Variants in CNBD1 observed in about 807,000 individuals in gnomAD.
CNBD1 encodes the protein cyclic nucleotide binding domain containing 1.
Under a neutral mutation model 54.4 loss-of-function variants are expected in CNBD1, and 71 were observed. That is an observed-to-expected ratio of 1.30 (90% confidence interval 1.08 to 1.59). The LOEUF (loss-of-function observed/expected upper bound fraction) is 1.59, where lower values mean the gene tolerates loss of function less well. Ranked by LOEUF, CNBD1 falls within the 40% of genes most tolerant of loss-of-function variation. The pLI is 0.00. For synonymous variants in CNBD1, 182 were observed against 170.7 expected, an observed-to-expected ratio of 1.07 and a Z score of -0.51; for missense variants, 659 against 518.0, an observed-to-expected ratio of 1.27 and a Z score of -2.64.
At chr8:87,422,817 A>C (rs536534221) in intron 2 of CNBD1, among the ~76,000 whole-genome samples, 66 of 152,258 alleles carry the variant, frequency 4.3e-4, no homozygotes, top group African/African-American at 1.6e-3. Context: ...GAAGAAAGGC[A>C]TTGGTAGCTT....
chr8:87,397,916 C>T (rs769079521), intron 2 of CNBD1, among the ~76,000 whole-genome samples: 1 of 151,974 alleles, frequency 6.6e-6, no homozygotes, highest in Non-Finnish European at 1.5e-5. Context: ...CAAGCTCTCT[C>T]TTTGCCTGCT....
At chr8:86,867,682 G>A (rs1419452374) in intron 1 of CNBD1, among the ~76,000 whole-genome samples, 1 of 152,026 alleles carries the variant, frequency 6.6e-6, no homozygotes, top group East Asian at 1.9e-4. Flanking sequence ...TTTTGCTGAA[G>A]AAACACAGCT....
intron 6 of CNBD1, among the ~76,000 whole-genome samples, chr8:87,281,032 T>C (rs1038691487): frequency 6.6e-6 from 1 of 151,628 alleles, no homozygotes; most frequent in Non-Finnish European, 1.5e-5. Flanking sequence ...TTGTCTCATT[T>C]AAGAACTGCT....
chr8:86,991,091 G>A (rs894082284), intron 4 of CNBD1, among the ~76,000 whole-genome samples: 28 of 152,024 alleles, frequency 1.8e-4, no homozygotes, highest in African/African-American at 6.8e-4. Flanking sequence ...TAGTCTTTAG[G>A]TGTTTCCAAA....
intron 5 of CNBD1, among the ~76,000 whole-genome samples, chr8:87,215,343 G>T (rs1814186386): frequency 6.6e-6 from 1 of 152,078 alleles, no homozygotes; most frequent in South Asian, 2.1e-4. Context: ...GGACATTATT[G>T]CTGATGCATA....
intron 4 of CNBD1, among the ~76,000 whole-genome samples, chr8:87,157,157 G>A (rs1483309573): frequency 1.3e-5 from 2 of 152,122 alleles, no homozygotes; most frequent in African/African-American, 4.8e-5. Flanking sequence ...AGATAATATT[G>A]TAGTTTTATC....
intron 4 of CNBD1, among the ~76,000 whole-genome samples, chr8:87,180,286 T>C (rs921797081): frequency 6.6e-6 from 1 of 152,062 alleles, no homozygotes; most frequent in Non-Finnish European, 1.5e-5. Context: ...TGAATAAATA[T>C]ATTCTATAAA....
At chr8:86,955,680 G>T (rs1807747979) in intron 4 of CNBD1, among the ~76,000 whole-genome samples, 2 of 152,160 alleles carry the variant, frequency 1.3e-5, no homozygotes, top group African/African-American at 2.4e-5. Flanking sequence ...TGATGGGGTT[G>T]TTTGATTTTT....
At chr8:86,873,019 AGTAAGCTAC>A (rs1586102092) in intron 1 of CNBD1, among the ~76,000 whole-genome samples, 1 of 152,062 alleles carries the variant, frequency 6.6e-6, no homozygotes, top group East Asian at 1.9e-4. Context: ...GGTGAATTTC[AGTAAGCTAC>A]GATCATGCTA....
intron 4 of CNBD1, among the ~76,000 whole-genome samples, chr8:86,979,294 G>A (rs1808413772): frequency 6.6e-6 from 1 of 150,886 alleles, no homozygotes; most frequent in Non-Finnish European, 1.5e-5. Context: ...GGCTGGATGT[G>A]GTGGCTCATG....
intron 4 of CNBD1, among the ~76,000 whole-genome samples, chr8:87,198,491 A>G (rs1354904662): frequency 6.6e-6 from 1 of 152,250 alleles, no homozygotes; most frequent in African/African-American, 2.4e-5. Flanking sequence ...AAACAAAAAA[A>G]AGCAGTTAAC....
At chr8:87,125,174 G>T (rs1422806239) in intron 4 of CNBD1, among the ~76,000 whole-genome samples, 1 of 151,642 alleles carries the variant, frequency 6.6e-6, no homozygotes, top group Non-Finnish European at 1.5e-5. Context: ...CTGTGTTCAT[G>T]ATATATAAAA....
At chr8:86,979,232 A>T (rs1240551610) in intron 4 of CNBD1, among the ~76,000 whole-genome samples, 1 of 151,744 alleles carries the variant, frequency 6.6e-6, no homozygotes, top group African/African-American at 2.4e-5. Flanking sequence ...TGGGCAATAT[A>T]TTTTCCTTTT....
At position 87,251,256 on chromosome 8, in the gene CNBD1, G is replaced by T. The variant is rs1045533419; in HGVS notation, c.771+14144G>T. On this transcript the variant is annotated intron_variant, in intron 6 of 10. Transcript: ENST00000518476. Reference sequence around the variant, plus strand: ...AGTTCTTCCTAACGTTCTGAATGTTGGACATGACTGTTAGTAATACAACAG... The same window carrying T: ...AGTTCTTCCTAACGTTCTGAATGTTTGACATGACTGTTAGTAATACAACAG... 1.6e-4 allele frequency among the ~76,000 whole-genome samples: 25 copies of T among 152,168 alleles called. 1 individual carries two copies. The highest frequency in any genetic ancestry group is 2.6e-4 in the Admixed American group (4 of 15,274).
intron 10 of CNBD1, among the ~76,000 whole-genome samples, chr8:87,370,562 T>G (rs973487442): frequency 1.4e-4 from 21 of 152,154 alleles, no homozygotes; most frequent in Non-Finnish European, 2.4e-4. Flanking sequence ...TTGCCCACTT[T>G]TTGATGGGGT....
chr8:87,005,411 A>T (rs567460613), intron 4 of CNBD1, among the ~76,000 whole-genome samples: 1 of 151,980 alleles, frequency 6.6e-6, no homozygotes, highest in Admixed American at 6.6e-5. Context: ...ATATTTTGTG[A>T]TAAGGAGAAG....
At chr8:87,197,611 A>G (rs1458946334) in intron 4 of CNBD1, among the ~76,000 whole-genome samples, 1 of 152,172 alleles carries the variant, frequency 6.6e-6, no homozygotes, top group East Asian at 1.9e-4. Flanking sequence ...ACGTTCTTGG[A>G]TACTCATGTA....
intron 6 of CNBD1, among the ~76,000 whole-genome samples, chr8:87,264,670 G>A (rs551503900): frequency 6.6e-6 from 1 of 152,188 alleles, no homozygotes; most frequent in African/African-American, 2.4e-5. Context: ...GTTGTTTCCT[G>A]ACTTTTTAGT....
chr8:87,023,479 A>C (rs1809531675), intron 4 of CNBD1, among the ~76,000 whole-genome samples: 1 of 152,134 alleles, frequency 6.6e-6, no homozygotes, highest in African/African-American at 2.4e-5. Flanking sequence ...GACTTTTTGC[A>C]TTATTTCCTT....
Sources: allele counts gnomAD v4.1 joint callset (sites outside exome capture counted in the v4.1 genomes callset), GRCh38; gene constraint gnomAD v4.1.1; transcripts MANE v1.5; gene names NCBI Gene and HGNC (gene_info 2026-07-23, HGNC 2026-07-21).